Variants in KIAA0586 observed in about 807,000 individuals in gnomAD.
KIAA0586 encodes KIAA0586.
Under a neutral mutation model 169.8 loss-of-function variants are expected in KIAA0586, and 144 were observed. That is an observed-to-expected ratio of 0.85 (90% CI 0.74 to 0.97). The LOEUF (loss-of-function observed/expected upper bound fraction) is 0.97. Ranked by LOEUF, KIAA0586 falls within the 50% of genes least tolerant of loss-of-function variation. The probability of loss-of-function intolerance (pLI) is 0.00; values close to 1 mark genes in which losing one functional copy is unlikely to be tolerated. For missense variants in KIAA0586, 1,854 were observed against 1,823.0 expected, an observed-to-expected ratio of 1.02 and a Z score of -0.31; for synonymous variants, 625 against 612.4, an observed-to-expected ratio of 1.02 and a Z score of -0.30.
At chr14:58,511,820 A>G (rs1170852088) in intron 28 of KIAA0586, among the ~76,000 whole-genome samples, 1 of 152,160 alleles carries the variant, frequency 6.6e-6, no homozygotes, top group Non-Finnish European at 1.5e-5. Context: ...ATTTATTGAT[A>G]AGGGTCCAGG....
At chr14:58,468,652 C>A (rs2040963553) in intron 16 of KIAA0586, among the ~76,000 whole-genome samples, 1 of 152,152 alleles carries the variant, frequency 6.6e-6, no homozygotes, top group African/African-American at 2.4e-5. Flanking sequence ...GGCCTGGGAT[C>A]CAGCTGTAGA....
At chr14:58,529,350 T>C (rs1335144480) in intron 29 of KIAA0586, among the ~76,000 whole-genome samples, 3 of 152,192 alleles carry the variant, frequency 2.0e-5, no homozygotes, top group Non-Finnish European at 2.9e-5. Context: ...CCCTTACTCA[T>C]TTTATGAAGC....
the KIAA0586 span, among the ~76,000 whole-genome samples, chr14:58,561,477 G>A: frequency 2.0e-5 from 3 of 152,022 alleles, no homozygotes; most frequent in Non-Finnish European, 4.4e-5. Flanking sequence ...AGTTAGAATT[G>A]GCCCTTCTTT....
Position 58,428,123 on chromosome 14 carries a change from G to T in KIAA0586, c.-142G>T. 1 of 1,467,028 alleles carries T rather than the reference G, an allele frequency of 6.8e-7. No homozygotes were observed. The highest frequency in any genetic ancestry group is 9.0e-7 in the Non-Finnish European group (1 of 1,113,640). The allele number at this position is 1,467,028 out of a possible 1,614,324, so 90.9% of individuals were successfully genotyped here. ...AGCTCTAATCCTGGATTCAATATCA[G>T]AATTTAGATTTTCAGCTTTGTGGAT... is the stretch of plus-strand genomic sequence containing the variant. On this transcript the variant is annotated 5_prime_UTR_variant, in exon 1 of 31. Transcript: ENST00000652326.
At chr14:58,436,928 G>A (rs2037869810) in intron 4 of KIAA0586, among the ~76,000 whole-genome samples, 1 of 152,200 alleles carries the variant, frequency 6.6e-6, no homozygotes, top group Admixed American at 6.5e-5. Context: ...ACTAGGTTAT[G>A]AACTCCCCTA....
intron 28 of KIAA0586, among the ~76,000 whole-genome samples, chr14:58,509,399 A>T (rs566648903): frequency 6.6e-6 from 1 of 152,196 alleles, no homozygotes; most frequent in African/African-American, 2.4e-5. Context: ...AATGTATTGC[A>T]TAAGAAATTT....
intron 26 of KIAA0586, among the ~76,000 whole-genome samples, chr14:58,492,554 A>G (rs1019144784): frequency 6.6e-6 from 1 of 152,196 alleles, no homozygotes. Context: ...GCCAGACACA[A>G]CCTTGGAAAA....
intron 26 of KIAA0586, among the ~76,000 whole-genome samples, chr14:58,494,569 G>A (rs577290024): frequency 1.3e-5 from 2 of 152,146 alleles, no homozygotes; most frequent in African/African-American, 2.4e-5. Context: ...AAAGAAGAGG[G>A]GAGGAGAGAG....
At chr14:58,474,168 C>T (rs763108023) in intron 18 of KIAA0586, among the ~76,000 whole-genome samples, 19 of 152,038 alleles carry the variant, frequency 1.2e-4, no homozygotes, top group Admixed American at 5.2e-4. Context: ...GAGGGATCTG[C>T]CCCCAAGACC....
At chr14:58,452,259 G>C (rs1195251240) in intron 8 of KIAA0586, among the ~76,000 whole-genome samples, 1 of 151,766 alleles carries the variant, frequency 6.6e-6, no homozygotes, top group Non-Finnish European at 1.5e-5. Context: ...AATACCACCT[G>C]TTCCCCAAAA....
intron 4 of KIAA0586, among the ~76,000 whole-genome samples, chr14:58,432,718 T>G (rs959715516): frequency 5.3e-5 from 8 of 152,158 alleles, no homozygotes; most frequent in South Asian, 4.1e-4. Context: ...CCCCATTTTC[T>G]TTTATTTATT....
At chr14:58,449,430 G>C (rs192482626) in intron 7 of KIAA0586, among the ~76,000 whole-genome samples, 163 of 152,322 alleles carry the variant, frequency 1.1e-3, no homozygotes, top group African/African-American at 3.9e-3. Context: ...TTTGGAGGCT[G>C]AGGTCGGAGG....
chr14:58,535,996 A>C (rs778223901), intron 29 of KIAA0586, among the ~76,000 whole-genome samples: 1 of 152,064 alleles, frequency 6.6e-6, no homozygotes, highest in Non-Finnish European at 1.5e-5. Context: ...TATACCAGTG[A>C]CTCTTACTGA....
intron 22 of KIAA0586, 138 bp from the exon 23 acceptor site, chr14:58,487,749 C>CATT: frequency 1.6e-6 from 1 of 612,426 alleles, no homozygotes. Context: ...CCACCATTGT[C>CATT]ATTATTATTA....
chr14:58,521,916 G>T (rs2045258385), intron 29 of KIAA0586: 1 of 1,382,742 alleles, frequency 7.2e-7, no homozygotes, highest in South Asian at 1.2e-5. Context: ...AGCTGGAGTT[G>T]ATCAAGGATG....
In KIAA0586 at chr14:58,427,796, A is replaced by T; in HGVS notation, c.-469A>T. The T allele has an allele frequency of 1.1e-5, 16 of 1,509,924 alleles. No homozygotes were observed. Among genetic ancestry groups the T allele is most frequent in the Non-Finnish European group, 1.4e-5 (16 of 1,133,798 alleles). 93.5% of individuals were successfully genotyped at this position (1,509,924 alleles called of 1,614,324 possible). A position where few individuals can be genotyped will look rare whatever the true frequency, so the allele number is the denominator to read the frequency against. ...ACGTAGGGGTGAATTTATGTTTCCGACGATTGCATCTGGAGGGGTGTGTAA... is the reference window on the plus strand; with the variant it reads ...ACGTAGGGGTGAATTTATGTTTCCGTCGATTGCATCTGGAGGGGTGTGTAA... On this transcript the variant is annotated 5_prime_UTR_variant, in exon 1 of 31. Coordinates refer to ENST00000652326, the MANE Select transcript of KIAA0586 (RefSeq NM_001329943.3).
intron 29 of KIAA0586, among the ~76,000 whole-genome samples, chr14:58,528,609 G>A (rs1236230318): frequency 1.4e-4 from 21 of 152,134 alleles, no homozygotes; most frequent in Non-Finnish European, 2.9e-5. Flanking sequence ...TGACTACTCG[G>A]TAAATAATGA....
chr14:58,467,230 C>G (rs2140952121), intron 15 of KIAA0586, among the ~76,000 whole-genome samples: 1 of 152,262 alleles, frequency 6.6e-6, no homozygotes, highest in Non-Finnish European at 1.5e-5. Flanking sequence ...CTCATTTAAT[C>G]CACCCTATAA....
intron 19 of KIAA0586, among the ~76,000 whole-genome samples, chr14:58,475,362 T>C (rs2041531517): frequency 6.6e-6 from 1 of 152,090 alleles, no homozygotes; most frequent in African/African-American, 2.4e-5. Context: ...AACAGTTTCC[T>C]CCCGAATCTA....
Sources: gnomAD v4.1 joint callset for allele counts (sites outside exome capture counted in the v4.1 genomes callset) on GRCh38, gnomAD v4.1.1 for gene constraint, MANE v1.5 for transcripts, NCBI Gene and HGNC (gene_info 2026-07-23, HGNC 2026-07-21) for gene names.